CDH23: variants seen among roughly 807,000 people sequenced by gnomAD.
The protein encoded by CDH23 is cadherin-23.
Under a neutral mutation model 317.1 loss-of-function variants are expected in CDH23, and 189 were observed. That is an observed-to-expected ratio of 0.60 (90% CI 0.53 to 0.67). The LOEUF (loss-of-function observed/expected upper bound fraction) is 0.67. Ranked by LOEUF, CDH23 falls within the 30% of genes least tolerant of loss-of-function variation. The pLI is 0.00. For missense variants in CDH23, 4,401 were observed against 4,592.4 expected, an observed-to-expected ratio of 0.96 and a Z score of 1.20; for synonymous variants, 1,839 against 1,876.8, an observed-to-expected ratio of 0.98 and a Z score of 0.52.
intron 11 of CDH23, among the ~76,000 whole-genome samples, chr10:71,633,760 C>T (rs1862129159): frequency 6.6e-6 from 1 of 152,132 alleles, no homozygotes; most frequent in Non-Finnish European, 1.5e-5. Flanking sequence ...AGAAAGGCAA[C>T]CCAGAGAGGG....
intron 3 of CDH23, among the ~76,000 whole-genome samples, chr10:71,447,528 C>T (rs768434270): frequency 1.3e-5 from 2 of 152,076 alleles, no homozygotes; most frequent in African/African-American, 2.4e-5. Context: ...ATTGTCCCCA[C>T]GGCCCAGTAG....
chr10:71,527,176 G>A (rs1480852014), intron 6 of CDH23, among the ~76,000 whole-genome samples: 1 of 152,236 alleles, frequency 6.6e-6, no homozygotes, highest in Non-Finnish European at 1.5e-5. Context: ...TAGAGAGCCA[G>A]GCTGGGCAGC....
chr10:71,608,498 C>T (rs1227979071), intron 9 of CDH23, among the ~76,000 whole-genome samples: 2 of 152,210 alleles, frequency 1.3e-5, no homozygotes, highest in African/African-American at 4.8e-5. Context: ...CTCTCCCCTG[C>T]GGCCCCAACA....
At chr10:71,443,346 C>T (rs1849991850) in intron 2 of CDH23, among the ~76,000 whole-genome samples, 2 of 152,224 alleles carry the variant, frequency 1.3e-5, no homozygotes, top group African/African-American at 2.4e-5. Context: ...AGCACACCGA[C>T]GTCCCTTCAG....
At chr10:71,586,098 A>G (rs1307110033) in intron 9 of CDH23, among the ~76,000 whole-genome samples, 4 of 152,112 alleles carry the variant, frequency 2.6e-5, no homozygotes, top group South Asian at 4.2e-4. Context: ...TGGGCAAAGC[A>G]TGGACTGCAC....
chr10:71,713,109 A>G (rs1420957424), intron 28 of CDH23: 2 of 772,386 alleles, frequency 2.6e-6, no homozygotes, highest in Non-Finnish European at 4.8e-6. Context: ...CTTTCAGAGT[A>G]GCGGGGAGAA....
chr10:71,603,100 G>A (rs144890504), intron 9 of CDH23, among the ~76,000 whole-genome samples: 87 of 152,182 alleles, frequency 5.7e-4, no homozygotes, highest in African/African-American at 1.9e-3. Flanking sequence ...CCCACTTCCC[G>A]AGAAGCTTCA....
At chr10:71,703,867 C>T (rs1865681825) in intron 24 of CDH23, among the ~76,000 whole-genome samples, 1 of 152,210 alleles carries the variant, frequency 6.6e-6, no homozygotes, top group Admixed American at 6.5e-5. Context: ...TCTGGGGGCT[C>T]ACAACCAGCG....
chr10:71,517,288 T>C (rs2132220513), intron 6 of CDH23, among the ~76,000 whole-genome samples: 1 of 152,226 alleles, frequency 6.6e-6, no homozygotes, highest in Admixed American at 6.5e-5. Flanking sequence ...CACTCCACTT[T>C]CCTCCCAGAC....
rs1044518653 is a variant in CDH23, at chr10:71,793,444, C to G, written c.6516C>G (p.Pro2172=). ...ILIDDINDSR[P]EFLNPIQTVS... is the part of the protein sequence containing the mutation. Reference sequence around the variant, plus strand: ...TCGATGACATCAATGACTCCCGCCCCGAGTTCCTCAACCCCATCCAGACAG... The same window carrying G: ...TCGATGACATCAATGACTCCCGCCCGGAGTTCCTCAACCCCATCCAGACAG... The change falls in exon 48 of 70, where the codon CCC becomes CCG. Residue 2172 remains proline, a synonymous_variant. Coordinates refer to ENST00000224721, the MANE Select transcript of CDH23 (RefSeq NM_022124.6). 13 of 1,613,998 alleles carry G rather than the reference C, an allele frequency of 8.1e-6. No homozygotes were observed. Among genetic ancestry groups the G allele is most frequent in the Non-Finnish European group, 1.1e-5 (13 of 1,179,886 alleles).
intron 3 of CDH23, among the ~76,000 whole-genome samples, chr10:71,503,993 G>A (rs117632990): frequency 0.011 from 1,682 of 152,130 alleles, 15 homozygotes; most frequent in Non-Finnish European, 0.018. Context: ...TGTCATCTTG[G>A]ACCAGATCAC....
At chr10:71,616,773 G>A (rs188667017) in intron 10 of CDH23, among the ~76,000 whole-genome samples, 1 of 152,210 alleles carries the variant, frequency 6.6e-6, no homozygotes, top group African/African-American at 2.4e-5. Flanking sequence ...CGAGCACAGG[G>A]TTCAGCCCAT....
Position 71,677,462 on chromosome 10 carries a change from G to T in CDH23, c.1521G>T (p.Ser507=), listed in dbSNP as rs778677757. 3 of 1,605,132 alleles carry T rather than the reference G, an allele frequency of 1.9e-6. No homozygotes were observed. The highest frequency in any genetic ancestry group is 2.2e-5 in the South Asian group (2 of 89,250). The change falls in exon 16 of 70, where the codon TCG becomes TCT. Residue 507 remains serine, a synonymous_variant. Coordinates refer to ENST00000224721, the MANE Select transcript of CDH23 (RefSeq NM_022124.6). ...YFFSDDPDRF[S]LDKDTGLIML... is the part of the protein sequence containing the mutation. Reference sequence around the variant, plus strand: ...TCCTCTCGGCCTGGCACAGGTTCTCGCTGGACAAGGACACGGGACTCATCA... The same window carrying T: ...TCCTCTCGGCCTGGCACAGGTTCTCTCTGGACAAGGACACGGGACTCATCA...
At position 71,510,110 on chromosome 10, in the gene CDH23, A is replaced by G; in HGVS notation, c.174A>G (p.Gln58=). 1 of 1,614,022 alleles carries G rather than the reference A, an allele frequency of 6.2e-7. No homozygotes were observed. Among genetic ancestry groups the G allele is most frequent in the Admixed American group, 1.7e-5 (1 of 60,028 alleles). ...VGSSVTQLLA[Q]DMDNDPLVFG... ...CTTCTGTGACCCAGTTGCTGGCCCA[A>G]GACATGGACAATGACCCCCTGGTGT... Residue 58 remains glutamine (Q), a synonymous_variant, in exon 4 of 70, where the codon CAA becomes CAG. Coordinates refer to ENST00000224721, the MANE Select transcript of CDH23 (RefSeq NM_022124.6).
chr10:71,553,416 T>A (rs974673423), intron 6 of CDH23, among the ~76,000 whole-genome samples: 15 of 152,246 alleles, frequency 9.9e-5, no homozygotes, highest in Admixed American at 3.9e-4. Flanking sequence ...GTTCCACTTA[T>A]CACATCACAC....
chr10:71,797,955 C>T (rs756183120), intron 49 of CDH23, among the ~76,000 whole-genome samples: 5 of 152,136 alleles, frequency 3.3e-5, no homozygotes, highest in Admixed American at 2.0e-4. Context: ...CCACATTTTC[C>T]GGAAGGAAGG....
Position 71,725,480 on chromosome 10 carries a change from C to G in CDH23, c.3539C>G (p.Ala1180Gly), listed in dbSNP as rs1350774681. The change falls in exon 30 of 70, where the codon GCC (alanine) becomes GGC (glycine). Residue 1180 changes from alanine (A) to glycine (G), a missense_variant. Ala to Gly is a moderately conservative substitution (Grantham distance 60). Coordinates refer to ENST00000224721, the MANE Select transcript of CDH23 (RefSeq NM_022124.6). ...RNSSHVLIVE[A>G]YNHDLGPMRS... ...TCATCCCACGTGCTGATAGTGGAGGCCTACAACCACGACCTGGGCCCCATG... is the reference window on the plus strand; with the variant it reads ...TCATCCCACGTGCTGATAGTGGAGGGCTACAACCACGACCTGGGCCCCATG... The G allele has an allele frequency of 1.9e-6, 3 of 1,613,786 alleles. No individual in the cohort carries two copies. The highest frequency in any genetic ancestry group is 2.5e-6 in the Non-Finnish European group (3 of 1,179,852).
At position 71,740,828 on chromosome 10, in the gene CDH23, G is replaced by C; in HGVS notation, c.4495G>C (p.Ala1499Pro). 18 of 1,613,750 alleles carry C rather than the reference G, an allele frequency of 1.1e-5. No homozygotes were observed. Among genetic ancestry groups the C allele is most frequent in the Non-Finnish European group, 1.5e-5 (18 of 1,179,878 alleles). ...ELDHYILQVVASDRGTPPRKK... is the reference protein window; with the variant it reads ...ELDHYILQVVPSDRGTPPRKK... ...GTTGCCCTCCTCCTTGCAGGTTGTG[G>C]CTTCTGACCGAGGCACCCCTCCACG... The change falls in exon 37 of 70, where the codon GCT (alanine) becomes CCT (proline). Residue 1499 changes from alanine to proline, a missense_variant. Around this residue, in one of 3 missense-constraint regions of CDH23, gnomAD observed 3,068 missense variants for 3,203.3 expected, o/e 0.96. Coordinates refer to ENST00000224721, the MANE Select transcript of CDH23 (RefSeq NM_022124.6).
At chr10:71,783,378 C>T (rs1841009080) in intron 41 of CDH23, among the ~76,000 whole-genome samples, 2 of 152,252 alleles carry the variant, frequency 1.3e-5, no homozygotes, top group African/African-American at 4.8e-5. Context: ...GGAAAGAACA[C>T]AAGTCCTGTG....
Sources: allele counts gnomAD v4.1 joint callset (sites outside exome capture counted in the v4.1 genomes callset), GRCh38; gene constraint gnomAD v4.1.1; regional missense constraint gnomAD v4.1.1; transcripts MANE v1.5; gene names NCBI Gene and HGNC (gene_info 2026-07-23, HGNC 2026-07-21).